SLC39A11: variants seen among roughly 807,000 people sequenced by gnomAD.
SLC39A11 encodes solute carrier family 39 member 11.
A neutral mutation model predicts 36.1 loss-of-function variants in SLC39A11; 33 were observed. That is an observed-to-expected ratio of 0.91 (90% CI 0.69 to 1.22). The LOEUF is 1.22. Ranked by LOEUF, SLC39A11 falls within the 50% of genes most tolerant of loss-of-function variation. The pLI, the probability that SLC39A11 is intolerant of heterozygous loss-of-function variation, is 0.00. For missense variants in SLC39A11, 432 were observed against 430.3 expected (o/e 1.00, Z -0.03); for synonymous variants, 166 against 170.3 (o/e 0.97, Z 0.20).
intron 9 of SLC39A11, among the ~76,000 whole-genome samples, 189 bp downstream of exon 9, chr17:72,648,614 A>T (rs1430286338): frequency 6.6e-6 from 1 of 152,150 alleles, no homozygotes. Flanking sequence ...CTTGACCCAC[A>T]TGCCCTTAGC....
intron 6 of SLC39A11, among the ~76,000 whole-genome samples, chr17:72,744,511 T>C (rs1465524221): frequency 1.3e-5 from 2 of 152,222 alleles, no homozygotes; most frequent in Non-Finnish European, 2.9e-5. Flanking sequence ...AAACAAGTGT[T>C]TTCTTTTTCA....
In SLC39A11 at chr17:73,052,754, A is replaced by T. The variant is rs548363076; in HGVS notation, c.148-21040T>A. Reference sequence around the variant, plus strand: ...TTTTATTCCTGCCCAAGCTGCAGTCACAGTGGCACAATCTTGGCTCACTGC... The same window carrying T: ...TTTTATTCCTGCCCAAGCTGCAGTCTCAGTGGCACAATCTTGGCTCACTGC... On this transcript the variant is annotated intron_variant, in intron 3 of 9. Transcript: ENST00000255559. Among the ~76,000 whole-genome samples the T allele has an allele frequency of 1.5e-3, 235 of 152,314 alleles. 1 individual carries two copies. The highest frequency in any genetic ancestry group is 1.3e-3 in the Non-Finnish European group (89 of 68,024).
At position 73,054,802 on chromosome 17, in the gene SLC39A11, C is replaced by T. The variant is rs1335375086; in HGVS notation, c.148-23088G>A. ...CAGCCTGGGTGACAGAGCAAGATTC[C>T]GTCTCAAAAAAAAAAAAAAAAAGAA... On this transcript the variant is annotated intron_variant, in intron 3 of 9. Coordinates refer to ENST00000255559, the MANE Select transcript of SLC39A11 (RefSeq NM_139177.4). 2.5e-5 allele frequency among the ~76,000 whole-genome samples: 3 copies of T among 119,098 alleles called. 1 individual carries two copies. Among genetic ancestry groups the T allele is most frequent in the Non-Finnish European group, 3.4e-5 (2 of 58,796 alleles). The allele number at this position is 119,098 out of a possible 152,430, so 78.1% of individuals were successfully genotyped here.
chr17:72,896,768 C>T (rs1038403748), intron 5 of SLC39A11, among the ~76,000 whole-genome samples: 1 of 151,824 alleles, frequency 6.6e-6, no homozygotes, highest in African/African-American at 2.4e-5. Flanking sequence ...AAAGTCCTCA[C>T]AGCCAGGTGC....
intron 6 of SLC39A11, among the ~76,000 whole-genome samples, chr17:72,752,795 G>A (rs2075204275): frequency 6.6e-6 from 1 of 152,118 alleles, no homozygotes; most frequent in Non-Finnish European, 1.5e-5. Context: ...TATTTAAGAA[G>A]ACTTTTCTCT....
chr17:72,827,344 C>T (rs562394607), intron 6 of SLC39A11, among the ~76,000 whole-genome samples: 1 of 152,124 alleles, frequency 6.6e-6, no homozygotes, highest in East Asian at 1.9e-4. Flanking sequence ...GGGGGAGGAG[C>T]TGGAGGGAAA....
At chr17:72,879,798 T>C (rs1166539402) in intron 5 of SLC39A11, among the ~76,000 whole-genome samples, 1 of 152,218 alleles carries the variant, frequency 6.6e-6, no homozygotes, top group Non-Finnish European at 1.5e-5. Flanking sequence ...ACCCAAGAAT[T>C]GCTTCAGGAA....
At chr17:72,964,248 C>T (rs2147962919) in intron 4 of SLC39A11, among the ~76,000 whole-genome samples, 1 of 152,336 alleles carries the variant, frequency 6.6e-6, no homozygotes, top group Admixed American at 6.5e-5. Context: ...AATTAATATG[C>T]TAATTTGCTT....
At chr17:72,970,261 T>C (rs1239749122) in intron 4 of SLC39A11, among the ~76,000 whole-genome samples, 1 of 152,244 alleles carries the variant, frequency 6.6e-6, no homozygotes, top group Non-Finnish European at 1.5e-5. Context: ...CATTTTTTGC[T>C]CTGAACTAGG....
At chr17:73,009,058 C>CAAAAAAAAAA (rs34448509) in intron 4 of SLC39A11, among the ~76,000 whole-genome samples, 1 of 78,838 alleles carries the variant, frequency 1.3e-5, no homozygotes, top group African/African-American at 4.5e-5. Context: ...AGACCTGCCT[C>CAAAAAAAAAA]AAAAAAAAAA....
chr17:72,891,113 C>T (rs1019466852), intron 5 of SLC39A11, among the ~76,000 whole-genome samples: 6 of 151,436 alleles, frequency 4.0e-5, no homozygotes, highest in African/African-American at 4.9e-5. Context: ...GGTGGCAGGG[C>T]GGAGGGAAGA....
chr17:72,942,732 C>T (rs1567992840), intron 5 of SLC39A11, among the ~76,000 whole-genome samples: 1 of 152,160 alleles, frequency 6.6e-6, no homozygotes, highest in Non-Finnish European at 1.5e-5. Context: ...GCCAAGGAAA[C>T]TTGGGAGTGG....
At chr17:72,980,514 A>C (rs1438939753) in intron 4 of SLC39A11, among the ~76,000 whole-genome samples, 1 of 152,224 alleles carries the variant, frequency 6.6e-6, no homozygotes, top group Non-Finnish European at 1.5e-5. Flanking sequence ...GCTTGTAAAA[A>C]AAAATACCTA....
chr17:72,969,786 A>C (rs1347965835), intron 4 of SLC39A11, among the ~76,000 whole-genome samples: 1 of 152,170 alleles, frequency 6.6e-6, no homozygotes, highest in East Asian at 1.9e-4. Context: ...GGTGGCAGAG[A>C]GCTTGTTGGT....
At chr17:73,020,298 G>A (rs1377396228) in intron 4 of SLC39A11, among the ~76,000 whole-genome samples, 1 of 152,288 alleles carries the variant, frequency 6.6e-6, no homozygotes, top group South Asian at 2.1e-4. Context: ...CCTCATAATA[G>A]GATTAGTGTC....
intron 5 of SLC39A11, among the ~76,000 whole-genome samples, chr17:72,874,407 G>T (rs1189792956): frequency 6.6e-6 from 1 of 152,134 alleles, no homozygotes; most frequent in Non-Finnish European, 1.5e-5. Flanking sequence ...TTGTGGGAAA[G>T]CTCCATCCTC....
At chr17:72,882,249 G>A (rs183079120) in intron 5 of SLC39A11, among the ~76,000 whole-genome samples, 204 of 151,934 alleles carry the variant, frequency 1.3e-3, no homozygotes, top group African/African-American at 4.7e-3. Flanking sequence ...CCAGCCACTC[G>A]GGACGCTGAC....
At chr17:72,771,070 T>C (rs1004643604) in intron 6 of SLC39A11, among the ~76,000 whole-genome samples, 2 of 149,640 alleles carry the variant, frequency 1.3e-5, no homozygotes, top group Admixed American at 1.3e-4. Flanking sequence ...TTTTTTTTTT[T>C]TATGTGCGTG....
chr17:72,852,822 A>C (rs370564106), intron 5 of SLC39A11, among the ~76,000 whole-genome samples: 2 of 152,320 alleles, frequency 1.3e-5, no homozygotes, highest in East Asian at 3.9e-4. Flanking sequence ...GACATAAGCA[A>C]AGCAGTCCCT....
Sources: allele counts gnomAD v4.1 joint callset (sites outside exome capture counted in the v4.1 genomes callset), GRCh38; gene constraint gnomAD v4.1.1; transcripts MANE v1.5; gene names NCBI Gene and HGNC (gene_info 2026-07-23, HGNC 2026-07-21).